NEBL: variants seen among roughly 807,000 people sequenced by gnomAD.
NEBL encodes LIM and SH3 protein 2.
NEBL carries 122 observed loss-of-function variants against 140.2 expected under a neutral mutation model. That is an observed-to-expected ratio of 0.87 (90% CI 0.75 to 1.01). The LOEUF (loss-of-function observed/expected upper bound fraction) is 1.01, where lower values mean the gene tolerates loss of function less well. Ranked by LOEUF, NEBL falls within the 50% of genes least tolerant of loss-of-function variation. The probability of loss-of-function intolerance (pLI) is 0.00; values close to 1 mark genes in which losing one functional copy is unlikely to be tolerated. For missense variants in NEBL, 1,365 were observed against 1,231.3 expected (o/e 1.11, Z -1.62); for synonymous variants, 436 against 398.9 (o/e 1.09, Z -1.11).
rs1466851556 is a variant in NEBL at position 20,831,532 on chromosome 10, C to T, written c.1501G>A (p.Val501Met). 2 of 1,612,644 alleles carry T rather than the reference C, an allele frequency of 1.2e-6. No individual in the cohort carries two copies. Among genetic ancestry groups the T allele is most frequent in the African/African-American group, 1.3e-5 (1 of 74,680 alleles). The change falls in exon 15 of 28, where the codon GTG (valine) becomes ATG (methionine). Residue 501 changes from valine (V) to methionine (M), a missense_variant. By Grantham distance (21) the Val-to-Met change is conservative (BLOSUM62 1). Coordinates refer to ENST00000377122, the MANE Select transcript of NEBL (RefSeq NM_006393.3). ...ETEIKGKGMQVSTDTLDVQRA... is the reference protein window; with the variant it reads ...ETEIKGKGMQMSTDTLDVQRA... Reference sequence around the variant, plus strand: ...TGGACATCAAGAGTGTCTGTGCTCACCTGCATCCCTTTCCCTTTAATTTCA... The same window carrying T: ...TGGACATCAAGAGTGTCTGTGCTCATCTGCATCCCTTTCCCTTTAATTTCA...
chr10:21,183,795 C>T (rs918367383), intron 3 of NEBL, among the ~76,000 whole-genome samples: 18 of 152,084 alleles, frequency 1.2e-4, no homozygotes, highest in African/African-American at 4.3e-4. Flanking sequence ...AATCATAGCT[C>T]CCACAATTCC....
At chr10:20,975,123 T>C (rs1249429387) in intron 3 of NEBL, among the ~76,000 whole-genome samples, 1 of 152,236 alleles carries the variant, frequency 6.6e-6, no homozygotes, top group Non-Finnish European at 1.5e-5. Context: ...CAAAATGACA[T>C]AGGACCATTC....
At chr10:20,859,074 A>G (rs933146807) in intron 8 of NEBL, among the ~76,000 whole-genome samples, 10 of 152,178 alleles carry the variant, frequency 6.6e-5, no homozygotes, top group African/African-American at 2.2e-4. Flanking sequence ...TCAATAATAC[A>G]TAATTTTTAT....
chr10:21,141,463 G>A (rs1839629122), intron 2 of NEBL, among the ~76,000 whole-genome samples: 1 of 152,016 alleles, frequency 6.6e-6, no homozygotes, highest in African/African-American at 2.4e-5. Flanking sequence ...GGAGAATTTG[G>A]AAAAAAGCAT....
intron 3 of NEBL, among the ~76,000 whole-genome samples, chr10:21,208,374 T>C (rs144143624): frequency 9.2e-5 from 14 of 152,304 alleles, no homozygotes; most frequent in African/African-American, 3.4e-4. Context: ...TATAATCTTG[T>C]AACAGGTTCT....
At chr10:20,887,429 T>A (rs1421995760) in intron 4 of NEBL, among the ~76,000 whole-genome samples, 1 of 146,690 alleles carries the variant, frequency 6.8e-6, no homozygotes, top group East Asian at 2.0e-4. Flanking sequence ...TTTTTTTTTT[T>A]TTTTTTTGAG....
At chr10:21,046,670 G>A (rs776348455) in intron 2 of NEBL, among the ~76,000 whole-genome samples, 4 of 152,050 alleles carry the variant, frequency 2.6e-5, no homozygotes, top group Non-Finnish European at 5.9e-5. Flanking sequence ...GTGCGATCTC[G>A]GCTCACTGCA....
chr10:20,945,507 G>A (rs1472690852), intron 4 of NEBL, among the ~76,000 whole-genome samples: 2 of 152,156 alleles, frequency 1.3e-5, no homozygotes, highest in Non-Finnish European at 2.9e-5. Flanking sequence ...CATGCATCAC[G>A]TGAATAAACC....
intron 4 of NEBL, among the ~76,000 whole-genome samples, chr10:20,933,227 C>T (rs1564449469): frequency 6.6e-6 from 1 of 152,108 alleles, no homozygotes; most frequent in Non-Finnish European, 1.5e-5. Context: ...TAATTAAGCC[C>T]TTTTTTATAG....
rs71392181 is a variant in NEBL at position 21,288,820 on chromosome 10, GTATATATATA to G, written n.182+4000_182+4009del. Among the ~76,000 whole-genome samples, 5 of 35,024 alleles carry G rather than the reference GTATATATATA, an allele frequency of 1.4e-4. 1 individual carries two copies. Among genetic ancestry groups the G allele is most frequent in the Middle Eastern group, 0.024 (1 of 42 alleles). 23.0% of individuals were successfully genotyped at this position (35,024 alleles called of 152,430 possible). A position where few individuals can be genotyped will look rare whatever the true frequency, so the allele number is the denominator to read the frequency against. ...TCTGACAATATATACGTGTGTGTGTGTATATATATATATATATATATATATATATAAAAAT... is the reference window on the plus strand; with the variant it reads ...TCTGACAATATATACGTGTGTGTGTGTATATATATATATATATATAAAAAT... On this transcript the variant is annotated intron_variant and non_coding_transcript_variant, in intron 1 of 8. Coordinates refer to the NEBL transcript ENST00000675702.
intron 2 of NEBL, among the ~76,000 whole-genome samples, chr10:21,023,716 T>TA (rs1838896596): frequency 1.3e-5 from 2 of 151,812 alleles, no homozygotes; most frequent in African/African-American, 4.8e-5. Context: ...AATAAATAAA[T>TA]AAATAAAATA....
intron 1 of NEBL, among the ~76,000 whole-genome samples, chr10:21,291,983 A>G (rs1843150793): frequency 6.8e-6 from 1 of 147,824 alleles, no homozygotes; most frequent in Non-Finnish European, 1.5e-5. Context: ...AATTGCTGTT[A>G]TAAGTTTAAT....
intron 2 of NEBL, among the ~76,000 whole-genome samples, chr10:21,053,867 T>C (rs565210064): frequency 3.9e-5 from 6 of 152,094 alleles, no homozygotes; most frequent in East Asian, 1.9e-4. Context: ...GCCCAGTCAC[T>C]ACCAAAAATA....
intron 3 of NEBL, among the ~76,000 whole-genome samples, chr10:20,993,010 C>T (rs1339252585): frequency 6.6e-6 from 1 of 151,686 alleles, no homozygotes; most frequent in Non-Finnish European, 1.5e-5. Flanking sequence ...GTCTTGATCT[C>T]CTGACCTCAT....
In NEBL at chr10:21,024,985, A is replaced by G. The variant is rs556330325; in HGVS notation, c.165-4784T>C. On this transcript the variant is annotated intron_variant, in intron 2 of 6. Coordinates refer to the NEBL transcript ENST00000417816. ...CAAACACTGCATTCAAAAGATTGTG[A>G]AAGGTCTTCCTAAAAAATTGTCTTG... Among the ~76,000 whole-genome samples, 10 of 152,350 alleles carry G rather than the reference A, an allele frequency of 6.6e-5. No homozygotes were observed. In the South Asian group the frequency reaches 2.1e-3, roughly 32 times the overall value.
chr10:21,005,099 T>C (rs1372299245), intron 3 of NEBL, among the ~76,000 whole-genome samples: 1 of 152,108 alleles, frequency 6.6e-6, no homozygotes, highest in African/African-American at 2.4e-5. Flanking sequence ...CACAACCAAA[T>C]AAACAGACAA....
chr10:21,063,849 G>A (rs549478329), intron 2 of NEBL, among the ~76,000 whole-genome samples: 109 of 151,412 alleles, frequency 7.2e-4, no homozygotes, highest in African/African-American at 2.5e-3. Flanking sequence ...CAGCCTGGGC[G>A]ACAGAGCAAG....
chr10:20,991,715 G>C (rs1482553107), intron 3 of NEBL, among the ~76,000 whole-genome samples: 3 of 151,886 alleles, frequency 2.0e-5, no homozygotes, highest in African/African-American at 7.2e-5. Context: ...CATTGCCCAG[G>C]TAGTGAACAT....
intron 2 of NEBL, among the ~76,000 whole-genome samples, chr10:21,080,913 G>T (rs1836340934): frequency 1.3e-5 from 2 of 152,084 alleles, no homozygotes; most frequent in Admixed American, 6.5e-5. Flanking sequence ...GAGTGTGATG[G>T]CACAATCTCA....
Sources: gnomAD v4.1 joint callset for allele counts (sites outside exome capture counted in the v4.1 genomes callset) on GRCh38, gnomAD v4.1.1 for gene constraint, MANE v1.5 for transcripts, NCBI Gene and HGNC (gene_info 2026-07-23, HGNC 2026-07-21) for gene names.